Variants in SPC24 observed in about 807,000 individuals in gnomAD.
SPC24 encodes the protein kinetochore protein Spc24.
A neutral mutation model predicts 27.6 loss-of-function variants in SPC24; 31 were observed. The ratio of observed to expected loss-of-function variants is 1.12; its 90% CI spans 0.84 to 1.52. The LOEUF is 1.52. Among genes scored for constraint, SPC24 ranks in the 40% most tolerant of loss-of-function variants. SPC24 has a pLI of 0.00. For missense variants in SPC24, 284 were observed against 252.5 expected, an observed-to-expected ratio of 1.12 and a Z score of -0.84; for synonymous variants, 105 against 105.8, an observed-to-expected ratio of 0.99 and a Z score of 0.05.
rs2077832900 is a variant in SPC24 at position 11,147,224 on chromosome 19, T to G, written c.553A>C (p.Ile185Leu). Residue 185 changes from isoleucine to leucine, a missense_variant, in exon 5 of 5, where the codon ATC (isoleucine) becomes CTC (leucine). Coordinates refer to ENST00000592540, the MANE Select transcript of SPC24 (RefSeq NM_182513.4). ...LDSTQLSRKF[I>L]SDYLWSLVDT... ...ACCAGACTCCAGAGGTAGTCGCTGA[T>G]GAATTTCCTGGAGAGCTGGGTGCTG... is the stretch of plus-strand genomic sequence containing the variant. The G allele has an allele frequency of 6.4e-7, 1 of 1,560,662 alleles. No homozygotes were observed. Among genetic ancestry groups the G allele is most frequent in the Non-Finnish European group, 8.7e-7 (1 of 1,151,842 alleles).
chr19:11,150,356 C>T (rs1221802627), intron 1 of SPC24, among the ~76,000 whole-genome samples: 1 of 151,210 alleles, frequency 6.6e-6, no homozygotes, highest in Non-Finnish European at 1.5e-5. Flanking sequence ...CGTGGTGGTG[C>T]ATGCCTGTAA....
At chr19:11,153,281 C>CA (rs1001092654) in intron 1 of SPC24, among the ~76,000 whole-genome samples, 9 of 138,144 alleles carry the variant, frequency 6.5e-5, no homozygotes, top group Admixed American at 2.1e-4. Flanking sequence ...CTGTCTCTAC[C>CA]AAAAAAAATA....
At position 11,153,703 on chromosome 19, in the gene SPC24, T is replaced by C. The variant is rs550137385; in HGVS notation, c.160+1914A>G. On this transcript the variant is annotated intron_variant, in intron 1 of 4. Transcript: ENST00000592540. The stretch of plus-strand genomic sequence containing the variant: ...TGAACCCAGGAGGCATAGGTCGCAG[T>C]GAGCAGAGATCACGCTGCTGTACTC... 1.2e-4 allele frequency among the ~76,000 whole-genome samples: 18 copies of C among 146,238 alleles called. No homozygotes were observed. The East Asian group carries it at 3.6e-3, about 29-fold the overall frequency.
At position 11,147,908 on chromosome 19, in the gene SPC24, C is replaced by CA. The variant is rs58845884; in HGVS notation, c.411-15dup. ...TGAGCCACGTACCTGTACAGGAAGACAAAAAAAAAAAAAAAAAAAAAAGAA... is the reference window on the plus strand; with the variant it reads ...TGAGCCACGTACCTGTACAGGAAGACAAAAAAAAAAAAAAAAAAAAAAAGAA... On this transcript the variant is annotated splice_polypyrimidine_tract_variant and intron_variant, in intron 3 of 4. Transcript: ENST00000592540. 0.034 allele frequency: 36,939 copies of CA among 1,096,992 alleles called. 679 individuals carry two copies. Among genetic ancestry groups the CA allele is most frequent in the African/African-American group, 0.17 (7,461 of 44,866 alleles). The allele number at this position is 1,096,992 out of a possible 1,614,324, so 68.0% of individuals were successfully genotyped here.
chr19:11,154,511 C>A lies in SPC24; in HGVS notation c.160+1106G>T, dbSNP rs117473160. Reference sequence around the variant, plus strand: ...CCAAGATCACACCACTGCATTCAAGCCAGGGTAATGGAGCGAGGCTCTGTC... The same window carrying A: ...CCAAGATCACACCACTGCATTCAAGACAGGGTAATGGAGCGAGGCTCTGTC... On this transcript the variant is annotated intron_variant, in intron 1 of 4. Transcript: ENST00000592540. 3.3e-5 allele frequency among the ~76,000 whole-genome samples: 5 copies of A among 152,212 alleles called. No individual in the cohort carries two copies. In the East Asian group the frequency reaches 9.6e-4, roughly 29 times the overall value.
chr19:11,152,487 G>A (rs1296570405), intron 1 of SPC24, among the ~76,000 whole-genome samples: 2 of 152,160 alleles, frequency 1.3e-5, no homozygotes, highest in East Asian at 1.9e-4. Context: ...TGAGATGAGA[G>A]GCGTGAGCCA....
chr19:11,149,823 G>A (rs2077856705), intron 1 of SPC24, among the ~76,000 whole-genome samples: 1 of 150,434 alleles, frequency 6.6e-6, no homozygotes, highest in African/African-American at 2.4e-5. Flanking sequence ...TGATTCTCCT[G>A]CCTCAGCCTC....
rs1287572451 is a variant in SPC24 at position 11,147,120 on chromosome 19, T to A, written c.*63A>T. 1.0e-6 allele frequency: 1 copy of A among 978,864 alleles called. No individual in the cohort carries two copies. Among genetic ancestry groups the A allele is most frequent in the Non-Finnish European group, 1.5e-6 (1 of 663,912 alleles). The allele number at this position is 978,864 out of a possible 1,614,324, so 60.6% of individuals were successfully genotyped here. On this transcript the variant is annotated 3_prime_UTR_variant, in exon 5 of 5. Transcript: ENST00000592540. ...AAAGATCTATGTCCCCACATTTCATTTGAAATGGATCTGACCACGGCAGAT... is the reference window on the plus strand; with the variant it reads ...AAAGATCTATGTCCCCACATTTCATATGAAATGGATCTGACCACGGCAGAT...
intron 1 of SPC24, among the ~76,000 whole-genome samples, chr19:11,153,208 G>A (rs1330943721): frequency 6.6e-6 from 1 of 152,050 alleles, no homozygotes; most frequent in East Asian, 1.9e-4. Context: ...CACTTTGGGA[G>A]GTCGGGGCAG....
At chr19:11,148,256 G>A in intron 2 of SPC24, 139 bp from the exon 3 acceptor site, 1 of 630,104 alleles carries the variant, frequency 1.6e-6, no homozygotes, top group Non-Finnish European at 2.8e-6. Flanking sequence ...CACCCAGGCT[G>A]GAGTGCAGTG....
At chr19:11,148,378 T>C (rs1002132169) in intron 2 of SPC24, among the ~76,000 whole-genome samples, 3 of 152,034 alleles carry the variant, frequency 2.0e-5, no homozygotes, top group African/African-American at 7.2e-5. Context: ...CTGCTAATTT[T>C]TGTATTTTTA....
rs375283745 is a variant in SPC24, at chr19:11,148,166, G to A, written c.306-49C>T. The A allele has an allele frequency of 1.0e-3, 1,306 of 1,288,840 alleles. 2 individuals are homozygous for A. The highest frequency in any genetic ancestry group is 1.3e-3 in the Non-Finnish European group (1,198 of 896,368). The allele number at this position is 1,288,840 out of a possible 1,614,324, so 79.8% of individuals were successfully genotyped here. On this transcript the variant is annotated intron_variant, in intron 2 of 4. Transcript: ENST00000592540. ...CGGCTTTCGAGAGAGGGCTGCCCCT[G>A]CGCTAACTGCAGCTGGGAGGCCCAG...
chr19:11,151,626 G>A (rs948221682), intron 1 of SPC24, among the ~76,000 whole-genome samples: 4 of 151,662 alleles, frequency 2.6e-5, no homozygotes, highest in South Asian at 2.1e-4. Context: ...TTTTGGGGGG[G>A]GGGGATGGAG....
At chr19:11,148,939 C>G (rs938898207) in intron 2 of SPC24, among the ~76,000 whole-genome samples, 155 bp downstream of exon 2, 2 of 151,890 alleles carry the variant, frequency 1.3e-5, no homozygotes, top group Non-Finnish European at 2.9e-5. Flanking sequence ...TTTGTAGAGA[C>G]GGGGTCTCTG....
At chr19:11,150,705 C>T (rs966184768) in intron 1 of SPC24, among the ~76,000 whole-genome samples, 52 of 152,156 alleles carry the variant, frequency 3.4e-4, no homozygotes, top group Admixed American at 1.3e-4. Flanking sequence ...ATCACCTGAA[C>T]CAGGGAGGTT....
In SPC24 at chr19:11,153,381, G is replaced by A. The variant is rs983339441; in HGVS notation, c.160+2236C>T. On this transcript the variant is annotated intron_variant, in intron 1 of 4. Transcript: ENST00000592540. ...GCAGAATGGTGTGAACCCGGGAGAC[G>A]GAGCTCGCAGTGAGCCAAGATCACG... is the stretch of plus-strand genomic sequence containing the variant. Among the ~76,000 whole-genome samples the A allele has an allele frequency of 3.9e-5, 6 of 151,974 alleles. No individual in the cohort carries two copies. The South Asian group carries it at 8.3e-4, about 21-fold the overall frequency.
At chr19:11,154,507 C>A (rs2147328954) in intron 1 of SPC24, among the ~76,000 whole-genome samples, 1 of 152,254 alleles carries the variant, frequency 6.6e-6, no homozygotes, top group Non-Finnish European at 1.5e-5. Flanking sequence ...CCACTGCATT[C>A]AAGCCAGGGT....
chr19:11,147,196 T>C lies in SPC24; in HGVS notation c.581A>G (p.Asp194Gly). 6.4e-7 allele frequency: 1 copy of C among 1,552,364 alleles called. No individual in the cohort carries two copies. The highest frequency in any genetic ancestry group is 2.0e-5 in the Admixed American group (1 of 51,142). Residue 194 changes from aspartate to glycine, a missense_variant, in exon 5 of 5, where the codon GAC becomes GGC. Coordinates refer to ENST00000592540, the MANE Select transcript of SPC24 (RefSeq NM_182513.4). ...CGAGGCTCCTGGCTACCACTCGGTGTCCACCAGACTCCAGAGGTAGTCGCT... is the reference window on the plus strand; with the variant it reads ...CGAGGCTCCTGGCTACCACTCGGTGCCCACCAGACTCCAGAGGTAGTCGCT... ...FISDYLWSLV[D>G]TEW
chr19:11,152,025 A>G (rs939512187), intron 1 of SPC24, among the ~76,000 whole-genome samples: 1 of 151,104 alleles, frequency 6.6e-6, no homozygotes, highest in Non-Finnish European at 1.5e-5. Context: ...GGTTCAAGCT[A>G]TTCTCCTGCC....
Sources: allele counts gnomAD v4.1 joint callset (sites outside exome capture counted in the v4.1 genomes callset), GRCh38; gene constraint gnomAD v4.1.1; transcripts MANE v1.5; gene names NCBI Gene and HGNC (gene_info 2026-07-23, HGNC 2026-07-21).